The following NCOA2 variants were observed in gnomAD, a reference collection of about 807,000 sequenced individuals.
NCOA2 encodes the protein class E basic helix-loop-helix protein 75.
NCOA2 carries 21 observed loss-of-function variants against 145.1 expected under a neutral mutation model. The observed-to-expected ratio is 0.14, with a 90% CI of 0.10 to 0.21. The LOEUF is 0.21. NCOA2 is among the 10% of genes least tolerant of loss of function. The pLI is 1.00. For missense variants in NCOA2, 1,472 were observed against 1,837.6 expected, an observed-to-expected ratio of 0.80 and a Z score of 3.64; for synonymous variants, 619 against 637.5, an observed-to-expected ratio of 0.97 and a Z score of 0.44.
At chr8:70,215,483 G>A (rs1270425935) in intron 3 of NCOA2, among the ~76,000 whole-genome samples, 3 of 152,126 alleles carry the variant, frequency 2.0e-5, no homozygotes, top group African/African-American at 7.2e-5. Flanking sequence ...AGAGGAGCTG[G>A]GGGCTGGGAT....
chr8:70,207,638 T>TG (rs1818578717), intron 4 of NCOA2, among the ~76,000 whole-genome samples: 1 of 150,718 alleles, frequency 6.6e-6, no homozygotes, highest in Admixed American at 6.6e-5. Context: ...CCAAGGCGGG[T>TG]GGATCACCTT....
intron 1 of NCOA2, among the ~76,000 whole-genome samples, chr8:70,359,297 T>C (rs1037642889): frequency 6.6e-6 from 1 of 152,028 alleles, no homozygotes; most frequent in Admixed American, 6.6e-5. Flanking sequence ...CTATTCAAAA[T>C]AGCCAAAAGG....
intron 5 of NCOA2, 99 bp from the exon 6 acceptor site, chr8:70,170,478 C>CA (rs1814125519): frequency 7.6e-6 from 8 of 1,057,350 alleles, no homozygotes; most frequent in Non-Finnish European, 1.0e-5. Context: ...ACACAATTCA[C>CA]ACACAGATAG....
chr8:70,279,432 A>G (rs141793783), intron 2 of NCOA2, among the ~76,000 whole-genome samples: 42 of 152,340 alleles, frequency 2.8e-4, no homozygotes, highest in Non-Finnish European at 5.3e-4. Context: ...GCTTATTAGT[A>G]TACCTGAATA....
Position 70,349,748 on chromosome 8 carries a change from C to G in NCOA2, c.-76-52948G>C, listed in dbSNP as rs184340285. The stretch of plus-strand genomic sequence containing the variant: ...TTCTAAATATCTCAGATTTTCTTTA[C>G]TATTCTATTATGTATGTATCATCTG... On this transcript the variant is annotated intron_variant, in intron 1 of 22. Coordinates refer to ENST00000452400, the MANE Select transcript of NCOA2 (RefSeq NM_006540.4). Among the ~76,000 whole-genome samples the G allele has an allele frequency of 3.8e-3, 581 of 152,168 alleles. 5 individuals carry two copies. Among genetic ancestry groups the G allele is most frequent in the Non-Finnish European group, 6.4e-3 (432 of 67,966 alleles).
chr8:70,148,528 T>G, intron 11 of NCOA2, 45 bp from the exon 12 acceptor site: 2 of 1,574,016 alleles, frequency 1.3e-6, no homozygotes, highest in East Asian at 2.3e-5. Context: ...ACTCTAAGAG[T>G]AGACACCACA....
Position 70,204,154 on chromosome 8 carries a change from T to C in NCOA2, c.259+9749A>G, listed in dbSNP as rs570580865. The stretch of plus-strand genomic sequence containing the variant: ...TCCTGAGTAGCTGGGATTACAGGCG[T>C]GTGCCACCATGCCAGGCTAATTTTT... On this transcript the variant is annotated intron_variant, in intron 4 of 22. Coordinates refer to ENST00000452400, the MANE Select transcript of NCOA2 (RefSeq NM_006540.4). Among the ~76,000 whole-genome samples the C allele has an allele frequency of 1.5e-4, 23 of 152,180 alleles. No homozygotes were observed. The South Asian group carries it at 4.4e-3, about 29-fold the overall frequency.
chr8:70,234,913 T>C lies in NCOA2; in HGVS notation c.-19-18149A>G, dbSNP rs199765521. ...CCATAGGTTCCCAACCATGGCTGCATAGATAAAAACCATCTGATTTTCATT... is the reference window on the plus strand; with the variant it reads ...CCATAGGTTCCCAACCATGGCTGCACAGATAAAAACCATCTGATTTTCATT... On this transcript the variant is annotated intron_variant, in intron 2 of 22. Transcript: ENST00000452400. Among the ~76,000 whole-genome samples the C allele has an allele frequency of 9.2e-5, 14 of 152,330 alleles. No homozygotes were observed. In the East Asian group the frequency reaches 1.7e-3, roughly 19 times the overall value.
chr8:70,172,377 A>G (rs1814354843), intron 5 of NCOA2, among the ~76,000 whole-genome samples: 1 of 152,228 alleles, frequency 6.6e-6, no homozygotes, highest in Non-Finnish European at 1.5e-5. Flanking sequence ...TATGTTATTA[A>G]ACAGGCTCCT....
intron 1 of NCOA2, among the ~76,000 whole-genome samples, chr8:70,363,682 G>A (rs1362138293): frequency 6.6e-6 from 1 of 152,074 alleles, no homozygotes; most frequent in Non-Finnish European, 1.5e-5. Flanking sequence ...TGACATTTTA[G>A]AAAAGGCAAA....
chr8:70,110,405 A>AGTAAG lies in NCOA2; in HGVS notation c.*3226_*3227insCTTAC, dbSNP rs1806438815. 1 of 194,594 alleles carries AGTAAG rather than the reference A, an allele frequency of 5.1e-6. No individual in the cohort carries two copies. The highest frequency in any genetic ancestry group is 1.1e-5 in the Non-Finnish European group (1 of 93,644). The allele number at this position is 194,594 out of a possible 1,614,324, so 12.1% of individuals were successfully genotyped here. A position where few individuals can be genotyped will look rare whatever the true frequency, so the allele number is the denominator to read the frequency against. The stretch of plus-strand genomic sequence containing the variant: ...AGCTTTTACCTGTAGTAAGAAACTT[A>AGTAAG]AAAGATTTTGCTTTAGTCTATAAAG... On this transcript the variant is annotated 3_prime_UTR_variant, in exon 23 of 23. Transcript: ENST00000452400.
At chr8:70,160,689 G>A (rs370606386) in intron 9 of NCOA2, among the ~76,000 whole-genome samples, 205 of 148,222 alleles carry the variant, frequency 1.4e-3, no homozygotes, top group African/African-American at 5.2e-3. Context: ...GAGGGAGAGA[G>A]AGAGAGAGAG....
intron 1 of NCOA2, among the ~76,000 whole-genome samples, chr8:70,357,964 T>C (rs887430856): frequency 1.3e-5 from 2 of 151,876 alleles, no homozygotes; most frequent in African/African-American, 4.8e-5. Flanking sequence ...GGCAGGAGAA[T>C]CACTTGAACC....
At chr8:70,397,324 G>GT (rs945687427) in intron 1 of NCOA2, among the ~76,000 whole-genome samples, 1 of 152,008 alleles carries the variant, frequency 6.6e-6, no homozygotes, top group Non-Finnish European at 1.5e-5. Context: ...GTGGTGACAT[G>GT]TGACGGCAGT....
intron 1 of NCOA2, among the ~76,000 whole-genome samples, chr8:70,301,774 A>G (rs1389908970): frequency 6.6e-6 from 1 of 152,110 alleles, no homozygotes; most frequent in East Asian, 1.9e-4. Context: ...AGAGATGACT[A>G]AACAAAAGGG....
chr8:70,204,578 T>A (rs375336977), intron 4 of NCOA2, among the ~76,000 whole-genome samples: 13 of 152,282 alleles, frequency 8.5e-5, no homozygotes, highest in African/African-American at 2.6e-4. Context: ...TGTTCTTAAA[T>A]TTAGGGCAGT....
At chr8:70,365,509 G>A (rs1373116769) in intron 1 of NCOA2, among the ~76,000 whole-genome samples, 2 of 152,122 alleles carry the variant, frequency 1.3e-5, no homozygotes, top group Non-Finnish European at 2.9e-5. Context: ...ATCTAATTCT[G>A]AACCAAATTA....
chr8:70,318,747 A>T (rs1195619541), intron 1 of NCOA2, among the ~76,000 whole-genome samples: 1 of 152,116 alleles, frequency 6.6e-6, no homozygotes, highest in African/African-American at 2.4e-5. Flanking sequence ...TGGGTGACAG[A>T]GGGAGACCCT....
intron 1 of NCOA2, among the ~76,000 whole-genome samples, chr8:70,364,832 T>G (rs1380895): frequency 3.8e-4 from 51 of 134,128 alleles, no homozygotes; most frequent in African/African-American, 5.9e-4. Flanking sequence ...AAGGTTTGTT[T>G]TTTTTTTTTT....
Sources: gnomAD v4.1 joint callset for allele counts (sites outside exome capture counted in the v4.1 genomes callset) on GRCh38, gnomAD v4.1.1 for gene constraint, MANE v1.5 for transcripts, NCBI Gene and HGNC (gene_info 2026-07-23, HGNC 2026-07-21) for gene names.